METTL22: variants seen among roughly 807,000 people sequenced by gnomAD.
The protein encoded by METTL22 is methyltransferase-like protein 22.
In METTL22, 51 loss-of-function variants were observed where a neutral mutation model predicts 48.4. That is an observed-to-expected ratio of 1.05 (90% CI 0.84 to 1.33). The LOEUF is 1.33. Ranked by LOEUF, METTL22 falls within the 40% of genes most tolerant of loss-of-function variation. METTL22 has a pLI of 0.00. For synonymous variants in METTL22, 255 were observed against 214.1 expected (o/e 1.19, Z -1.67); for missense variants, 678 against 526.9 (o/e 1.29, Z -2.81).
At chr16:8,641,224 G>A (rs1274685438) in intron 7 of METTL22, 40 bp downstream of exon 7, 8 of 1,605,614 alleles carry the variant, frequency 5.0e-6, no homozygotes, top group African/African-American at 1.3e-5. Flanking sequence ...ATGATTCAGT[G>A]ATTCCTTTGT....
Position 8,625,771 on chromosome 16 carries a change from G to C in METTL22, c.106G>C (p.Val36Leu). The C allele has an allele frequency of 6.2e-7, 1 of 1,614,174 alleles. No homozygotes were observed. The highest frequency in any genetic ancestry group is 8.5e-7 in the Non-Finnish European group (1 of 1,180,032). Residue 36 changes from valine (V) to leucine (L), a missense_variant, in exon 2 of 11, where the codon GTA becomes CTA. Val to Leu is a conservative substitution (Grantham distance 32). Coordinates refer to ENST00000381920, the MANE Select transcript of METTL22 (RefSeq NM_024109.4). The stretch of plus-strand genomic sequence containing the variant: ...TACCCCGAACCATAGACATCTCATG[G>C]TACGGCTGAACAGCGTGGGGCAGCC... ...LYTPNHRHLM[V>L]RLNSVGQPVF...
chr16:8,641,199 C>T lies in METTL22; in HGVS notation c.826+15C>T, dbSNP rs371629053. On this transcript the variant is annotated intron_variant, in intron 7 of 10. Transcript: ENST00000381920. ...CCTCTGCACAGGTGTGTGTTTCTCT[C>T]GGACGTCCCCCAGTATGATTCAGTG... 1.2e-4 allele frequency: 193 copies of T among 1,613,442 alleles called. No homozygotes were observed. Among genetic ancestry groups the T allele is most frequent in the East Asian group, 3.6e-4 (16 of 44,898 alleles).
the METTL22 span, among the ~76,000 whole-genome samples, chr16:8,663,103 G>T: frequency 6.6e-6 from 1 of 151,372 alleles, no homozygotes; most frequent in African/African-American, 2.4e-5. Context: ...CTACTTGGGA[G>T]GCTGAGGTAG....
intron 5 of METTL22, among the ~76,000 whole-genome samples, chr16:8,637,983 CAAAAA>C (rs56246164): frequency 7.0e-6 from 1 of 142,768 alleles, no homozygotes; most frequent in Non-Finnish European, 1.5e-5. Flanking sequence ...ACTAAAAATA[CAAAAA>C]AAAAAAAAAT....
the METTL22 span, among the ~76,000 whole-genome samples, chr16:8,663,320 A>C: frequency 2.6e-5 from 4 of 151,940 alleles, no homozygotes; most frequent in African/African-American, 7.2e-5. Context: ...GAAATTCCCC[A>C]AGTAGGCGTC....
the METTL22 span, among the ~76,000 whole-genome samples, chr16:8,657,820 C>CT: frequency 0.025 from 3,465 of 137,142 alleles, 215 homozygotes; most frequent in African/African-American, 0.095. Flanking sequence ...CTTTTCTTTT[C>CT]TTTCTTTTTT....
At chr16:8,651,705 A>G (rs1156630184), downstream of METTL22, among the ~76,000 whole-genome samples, 2 of 152,220 alleles carry the variant, frequency 1.3e-5, no homozygotes, top group Non-Finnish European at 2.9e-5. Context: ...CCTGACTTCA[A>G]TTTCAGGTTC....
the METTL22 span, among the ~76,000 whole-genome samples, chr16:8,655,883 A>G: frequency 6.6e-6 from 1 of 152,230 alleles, no homozygotes; most frequent in African/African-American, 2.4e-5. Flanking sequence ...GGATTCAGGA[A>G]GAGGAGAGGG....
Position 8,648,155 on chromosome 16 carries a change from C to G in METTL22, c.*2012C>G, listed in dbSNP as rs1489710579. ...TGGACAACAAAGCAAGACCCCATCT[C>G]TATTAAAAATTAAACAGCCAATTAG... On this transcript the variant is annotated 3_prime_UTR_variant, in exon 11 of 11. Transcript: ENST00000381920. 1.3e-5 allele frequency: 2 copies of G among 152,254 alleles called. No homozygotes were observed. The highest frequency in any genetic ancestry group is 4.8e-5 in the African/African-American group (2 of 41,450). The allele number at this position is 152,254 out of a possible 1,614,324, so 9.4% of individuals were successfully genotyped here.
At position 8,648,635 on chromosome 16, in the gene METTL22, A is replaced by C. The variant is rs1334616382; in HGVS notation, c.*2492A>C. On this transcript the variant is annotated 3_prime_UTR_variant, in exon 11 of 11. Coordinates refer to ENST00000381920, the MANE Select transcript of METTL22 (RefSeq NM_024109.4). ...AGAGCAAAACTCCATCTCAAAAAAAAAAAAAAGCCAGGCGTAGTGGCTAAC... is the reference window on the plus strand; with the variant it reads ...AGAGCAAAACTCCATCTCAAAAAAACAAAAAAGCCAGGCGTAGTGGCTAAC... The C allele has an allele frequency of 6.5e-6, 1 of 154,072 alleles. No individual in the cohort carries two copies. The highest frequency in any genetic ancestry group is 2.4e-5 in the African/African-American group (1 of 41,466). 9.5% of individuals were successfully genotyped at this position (154,072 alleles called of 1,614,324 possible). A position where few individuals can be genotyped will look rare whatever the true frequency, so the allele number is the denominator to read the frequency against.
downstream of METTL22, among the ~76,000 whole-genome samples, chr16:8,654,596 C>A (rs1641093): frequency 0.96 from 146,901 of 152,352 alleles, 71,065 homozygotes; most frequent in East Asian, 1. Context: ...CTAACAAGAG[C>A]TGTATTTGAA....
chr16:8,645,051 G>A (rs940091418), intron 10 of METTL22: 32 of 201,518 alleles, frequency 1.6e-4, no homozygotes, highest in African/African-American at 6.9e-4. Context: ...AGTCAGTGGA[G>A]GGAAGTTTGT....
At chr16:8,633,119 C>T (rs931201231) in intron 3 of METTL22, among the ~76,000 whole-genome samples, 9 of 152,118 alleles carry the variant, frequency 5.9e-5, no homozygotes, top group South Asian at 2.1e-4. Context: ...TGGGCAGGGA[C>T]GCTGACACAG....
At chr16:8,640,893 A>AGATGGAGGGATGGATAGAAGG (rs1567241163) in intron 6 of METTL22, among the ~76,000 whole-genome samples, 1 of 12,908 alleles carries the variant, frequency 7.7e-5, no homozygotes, top group Non-Finnish European at 1.6e-4. Context: ...TGGGTGGGTG[A>AGATGGAGGGATGGATAGAAGG]ATGGATGGAT....
At chr16:8,659,955 A>G in the METTL22 span, among the ~76,000 whole-genome samples, 1 of 151,220 alleles carries the variant, frequency 6.6e-6, no homozygotes, top group Non-Finnish European at 1.5e-5. Flanking sequence ...CAAACTCCTG[A>G]GCACAAGCCA....
chr16:8,662,936 G>C, the METTL22 span, among the ~76,000 whole-genome samples: 14 of 144,546 alleles, frequency 9.7e-5, 1 homozygote, highest in African/African-American at 3.4e-4. Context: ...CACCAGGCGT[G>C]GTGGCTCACA....
rs185062961 is a variant in METTL22 at position 8,636,226 on chromosome 16, C to G, written c.700+914C>G. Reference sequence around the variant, plus strand: ...AGTGAGAACATTTTAAGAGCATTTTCTCATGCCATTAAAAAATTATTATAT... The same window carrying G: ...AGTGAGAACATTTTAAGAGCATTTTGTCATGCCATTAAAAAATTATTATAT... On this transcript the variant is annotated intron_variant, in intron 5 of 10. Transcript: ENST00000381920. Among the ~76,000 whole-genome samples the G allele has an allele frequency of 2.5e-3, 378 of 152,262 alleles. 7 individuals are homozygous for G. The highest frequency in any genetic ancestry group is 0.017 in the Admixed American group (265 of 15,284).
chr16:8,628,161 A>T (rs1215812790), intron 2 of METTL22, among the ~76,000 whole-genome samples: 1 of 152,180 alleles, frequency 6.6e-6, no homozygotes, highest in East Asian at 1.9e-4. Context: ...ACAGCCTGTA[A>T]TTATCTTGTT....
chr16:8,621,963 T>A (rs1384058029), intron 1 of METTL22, among the ~76,000 whole-genome samples, 188 bp downstream of exon 1: 2 of 152,194 alleles, frequency 1.3e-5, no homozygotes, highest in African/African-American at 4.8e-5. Context: ...CTCACCTGGG[T>A]TTCCATCCTG....
Sources: allele counts gnomAD v4.1 joint callset (sites outside exome capture counted in the v4.1 genomes callset), GRCh38; gene constraint gnomAD v4.1.1; transcripts MANE v1.5; gene names NCBI Gene and HGNC (gene_info 2026-07-23, HGNC 2026-07-21).